The following MYRFL variants were observed in gnomAD, a reference collection of about 807,000 sequenced individuals.
MYRFL encodes the protein myelin regulatory factor like, also known as myelin regulatory factor-like protein.
In MYRFL, 88 loss-of-function variants were observed where a neutral mutation model predicts 109.4. That is an observed-to-expected ratio of 0.80 (90% CI 0.68 to 0.96). The LOEUF (loss-of-function observed/expected upper bound fraction) is 0.96, where lower values mean the gene tolerates loss of function less well. MYRFL is among the 40% of genes least tolerant of loss of function. The pLI is 0.00. For synonymous variants in MYRFL, 324 were observed against 320.9 expected, an observed-to-expected ratio of 1.01 and a Z score of -0.10; for missense variants, 957 against 954.9, an observed-to-expected ratio of 1.00 and a Z score of -0.03.
intron 1 of MYRFL, among the ~76,000 whole-genome samples, chr12:69,833,987 A>G (rs1467622229): frequency 6.6e-6 from 1 of 152,160 alleles, no homozygotes; most frequent in African/African-American, 2.4e-5. Context: ...GTTTATGTTC[A>G]TTGAGCAGGC....
At chr12:69,906,301 G>A (rs1346680192) in intron 11 of MYRFL, among the ~76,000 whole-genome samples, 1 of 152,186 alleles carries the variant, frequency 6.6e-6, no homozygotes, top group Admixed American at 6.5e-5. Flanking sequence ...CTCTGCAACT[G>A]AGGTCCTGGG....
intron 13 of MYRFL, among the ~76,000 whole-genome samples, chr12:69,922,523 C>T (rs986735274): frequency 2.6e-5 from 4 of 151,800 alleles, no homozygotes; most frequent in Non-Finnish European, 4.4e-5. Flanking sequence ...CACTCAAATT[C>T]CCCAGTTATT....
intron 19 of MYRFL, among the ~76,000 whole-genome samples, chr12:69,939,097 C>T (rs1002433570): frequency 2.8e-4 from 43 of 152,302 alleles, no homozygotes; most frequent in African/African-American, 9.1e-4. Context: ...AACTGCAAGG[C>T]GGCAGCGAGG....
At chr12:69,885,318 CT>C (rs60396919) in intron 5 of MYRFL, among the ~76,000 whole-genome samples, 113 of 147,330 alleles carry the variant, frequency 7.7e-4, no homozygotes, top group African/African-American at 1.6e-3. Flanking sequence ...AAGAGAAATA[CT>C]TTTTTTTTTT....
intron 2 of MYRFL, among the ~76,000 whole-genome samples, chr12:69,868,447 A>G (rs1885141489): frequency 6.6e-6 from 1 of 152,132 alleles, no homozygotes; most frequent in Non-Finnish European, 1.5e-5. Flanking sequence ...ATTAAGTACA[A>G]TGATGGTACC....
At position 69,926,715 on chromosome 12, in the gene MYRFL, A is replaced by G; in HGVS notation, c.1747A>G (p.Ser583Gly). The change falls in exon 14 of 25, where the codon AGT becomes GGT. Residue 583 changes from serine to glycine, a missense_variant. Ser to Gly is a moderately conservative substitution (Grantham distance 56). Transcript: ENST00000552032. ...KRLSSWKSSA[S>G]EASTISKSSR... ...GCTCAGTAGTTGGAAGTCATCAGCC[A>G]GTGAAGCAAGCACAATCAGGTACGT... 6.7e-7 allele frequency: 1 copy of G among 1,501,948 alleles called. No individual in the cohort carries two copies. The highest frequency in any genetic ancestry group is 8.9e-7 in the Non-Finnish European group (1 of 1,128,428). 93.0% of individuals were successfully genotyped at this position (1,501,948 alleles called of 1,614,324 possible).
At chr12:69,953,797 A>ACACACACACG (rs1956038859) in intron 21 of MYRFL, among the ~76,000 whole-genome samples, 1 of 148,702 alleles carries the variant, frequency 6.7e-6, no homozygotes, top group Non-Finnish European at 1.5e-5. Context: ...ACACACACAC[A>ACACACACACG]CGGAATGGGG....
intron 2 of MYRFL, among the ~76,000 whole-genome samples, chr12:69,858,730 T>G (rs1451102933): frequency 6.6e-6 from 1 of 151,962 alleles, no homozygotes; most frequent in Non-Finnish European, 1.5e-5. Flanking sequence ...GTTTCTTTTT[T>G]TCTTTTCTCC....
chr12:69,927,599 T>G (rs979926404), intron 14 of MYRFL, 86 bp from the exon 15 acceptor site: 3 of 950,260 alleles, frequency 3.2e-6, no homozygotes, highest in African/African-American at 3.3e-5. Flanking sequence ...AAAGTCATAT[T>G]GCTATGTTAG....
chr12:69,927,777 A>AATG, intron 15 of MYRFL, 29 bp downstream of exon 15: 1 of 1,502,536 alleles, frequency 6.7e-7, no homozygotes, highest in African/African-American at 1.4e-5. Flanking sequence ...AATGAAAGGA[A>AATG]ATGATGTTTT....
chr12:69,917,665 T>C lies in MYRFL; in HGVS notation c.1602+6735T>C, dbSNP rs533423242. ...CCGTTATCTTTCTCCTTCACTAGAC[T>C]GTGAGACTCCTGAGGTCAGAGAATC... On this transcript the variant is annotated intron_variant, in intron 13 of 24. Coordinates refer to ENST00000552032, the MANE Select transcript of MYRFL (RefSeq NM_182530.3). Among the ~76,000 whole-genome samples, 18 of 152,274 alleles carry C rather than the reference T, an allele frequency of 1.2e-4. 1 individual carries two copies. The South Asian group carries it at 3.5e-3, about 30-fold the overall frequency.
At chr12:69,955,334 T>G (rs1263421764) in intron 21 of MYRFL, 29 bp from the exon 22 acceptor site, 3 of 616,750 alleles carry the variant, frequency 4.9e-6, no homozygotes, top group Admixed American at 5.9e-5. Context: ...ATATTTTGAT[T>G]TGTGGTTTTA....
intron 1 of MYRFL, among the ~76,000 whole-genome samples, chr12:69,844,928 T>C (rs772989371): frequency 6.6e-6 from 1 of 152,082 alleles, no homozygotes; most frequent in Non-Finnish European, 1.5e-5. Flanking sequence ...ATAAAGTATA[T>C]GATGTCACTC....
chr12:69,853,173 C>T (rs1565971063), intron 1 of MYRFL, among the ~76,000 whole-genome samples: 2 of 147,914 alleles, frequency 1.4e-5, no homozygotes, highest in South Asian at 2.2e-4. Flanking sequence ...TAGGCAGAGG[C>T]GCCCCCCATC....
At chr12:69,951,776 C>T (rs1418559008) in intron 19 of MYRFL, among the ~76,000 whole-genome samples, 1 of 152,112 alleles carries the variant, frequency 6.6e-6, no homozygotes, top group Non-Finnish European at 1.5e-5. Context: ...TATTAGAACC[C>T]ACCCTGACAG....
In MYRFL at chr12:69,955,417, C is replaced by CAAG; in HGVS notation, c.2431_2433dup (p.Lys811dup). ...TTAATAAACACACACCCACCAATGT[C>CAAG]AAGTTCTCTCTGGAAATAAAGTAAG... On this transcript the variant is annotated inframe_insertion, in exon 22 of 25. Coordinates refer to ENST00000552032, the MANE Select transcript of MYRFL (RefSeq NM_182530.3). 1 of 653,242 alleles carries CAAG rather than the reference C, an allele frequency of 1.5e-6. No homozygotes were observed. Among genetic ancestry groups the CAAG allele is most frequent in the South Asian group, 1.8e-5 (1 of 57,034 alleles). The allele number at this position is 653,242 out of a possible 1,614,324, so 40.5% of individuals were successfully genotyped here.
intron 16 of MYRFL, 74 bp from the exon 17 acceptor site, chr12:69,936,039 A>G (rs1955443846): frequency 2.1e-6 from 3 of 1,403,954 alleles, no homozygotes; most frequent in African/African-American, 1.6e-5. Flanking sequence ...GGCCAGCTGG[A>G]TGTGTGAGAT....
chr12:69,830,800 C>T (rs962056709), intron 1 of MYRFL, among the ~76,000 whole-genome samples: 6 of 152,100 alleles, frequency 3.9e-5, no homozygotes, highest in African/African-American at 7.2e-5. Context: ...CACCTGCCCA[C>T]GCTACCTTTG....
intron 2 of MYRFL, among the ~76,000 whole-genome samples, chr12:69,857,347 C>G (rs1884359600): frequency 6.6e-6 from 1 of 151,846 alleles, no homozygotes; most frequent in Non-Finnish European, 1.5e-5. Flanking sequence ...AATTTTTCTT[C>G]TGTTTCAATA....
Sources: allele counts gnomAD v4.1 joint callset (sites outside exome capture counted in the v4.1 genomes callset), GRCh38; gene constraint gnomAD v4.1.1; transcripts MANE v1.5; gene names NCBI Gene and HGNC (gene_info 2026-07-23, HGNC 2026-07-21).